Variants in PHYHIPL observed in about 807,000 individuals in gnomAD.
PHYHIPL encodes phytanoyl-CoA 2-hydroxylase interacting protein like.
Under a neutral mutation model 33.4 loss-of-function variants are expected in PHYHIPL, and 9 were observed. The ratio of observed to expected loss-of-function variants is 0.27; its 90% CI spans 0.16 to 0.47. The LOEUF (loss-of-function observed/expected upper bound fraction) is 0.47, where lower values mean the gene tolerates loss of function less well. Ranked by LOEUF, PHYHIPL falls within the 20% of genes least tolerant of loss-of-function variation. PHYHIPL has a pLI of 0.99. For synonymous variants in PHYHIPL, 153 were observed against 154.1 expected (o/e 0.99, Z 0.05); for missense variants, 365 against 460.7 (o/e 0.79, Z 1.90).
At chr10:59,175,804 C>T (rs1351234950), upstream of PHYHIPL, among the ~76,000 whole-genome samples, 3 of 152,244 alleles carry the variant, frequency 2.0e-5, no homozygotes, top group African/African-American at 7.2e-5. Context: ...GCTGTTTATA[C>T]TCCCTTCATT....
chr10:59,203,797 T>C (rs1839202031), intron 1 of PHYHIPL, among the ~76,000 whole-genome samples: 3 of 150,994 alleles, frequency 2.0e-5, no homozygotes, highest in South Asian at 4.2e-4. Flanking sequence ...GGGATAGCAT[T>C]GGGAGAAATA....
chr10:59,181,813 A>G (rs1838418997), intron 1 of PHYHIPL, among the ~76,000 whole-genome samples: 1 of 146,178 alleles, frequency 6.8e-6, no homozygotes, highest in Non-Finnish European at 1.5e-5. Flanking sequence ...CCCAGGGAAG[A>G]CCAGGAAGTT....
chr10:59,224,798 C>A (rs1288675736), intron 1 of PHYHIPL, among the ~76,000 whole-genome samples: 3 of 151,962 alleles, frequency 2.0e-5, no homozygotes, highest in Non-Finnish European at 2.9e-5. Context: ...CAAAACAATT[C>A]TCTTATTTTT....
intron 1 of PHYHIPL, among the ~76,000 whole-genome samples, chr10:59,207,906 AG>A (rs1839331959): frequency 6.6e-6 from 1 of 150,862 alleles, no homozygotes; most frequent in Non-Finnish European, 1.5e-5. Context: ...AAAAAAAAAA[AG>A]GGCAGCAGCC....
At chr10:59,236,887 C>T (rs1840242627) in intron 3 of PHYHIPL, among the ~76,000 whole-genome samples, 1 of 151,594 alleles carries the variant, frequency 6.6e-6, no homozygotes, top group Admixed American at 6.6e-5. Context: ...TTTCTATATC[C>T]ATAGTTTGAT....
intron 1 of PHYHIPL, among the ~76,000 whole-genome samples, chr10:59,216,900 A>G (rs1839630494): frequency 6.6e-6 from 1 of 152,164 alleles, no homozygotes; most frequent in African/African-American, 2.4e-5. Flanking sequence ...CTATAGTCTC[A>G]TTGATTCATC....
intron 1 of PHYHIPL, among the ~76,000 whole-genome samples, chr10:59,214,373 A>G (rs1396465518): frequency 6.6e-6 from 1 of 152,128 alleles, no homozygotes; most frequent in Non-Finnish European, 1.5e-5. Context: ...TGGTGACATC[A>G]TCACACAAAA....
At chr10:59,223,262 A>G (rs1475328755) in intron 1 of PHYHIPL, among the ~76,000 whole-genome samples, 2 of 152,166 alleles carry the variant, frequency 1.3e-5, no homozygotes, top group Admixed American at 6.5e-5. Context: ...ATGGGGTTCT[A>G]TTACTTTGCT....
rs1401855650 is a variant in PHYHIPL at position 59,245,406 on chromosome 10, G to GGGTCA, written c.946_947insGGTCA (p.Glu316GlyfsTer17). On this transcript the variant is annotated frameshift_variant, in exon 5 of 5. Transcript: ENST00000373880. LOFTEE classifies it high-confidence loss of function. ...TAATAAATTTTTGACCTGTACAGAA[G>GGGTCA]AAGATGGGGTGCTGGTTTACCACCA... The GGGTCA allele has an allele frequency of 1.2e-6, 2 of 1,614,032 alleles. No individual in the cohort carries two copies. Among genetic ancestry groups the GGGTCA allele is most frequent in the African/African-American group, 2.7e-5 (2 of 74,918 alleles).
chr10:59,176,130 A>C (rs1008508073), upstream of PHYHIPL, among the ~76,000 whole-genome samples: 3 of 152,174 alleles, frequency 2.0e-5, no homozygotes, highest in Non-Finnish European at 4.4e-5. Flanking sequence ...TGTCCGGCCG[A>C]GCCCGCAGGG....
At position 59,245,638 on chromosome 10, in the gene PHYHIPL, G is replaced by A. The variant is rs1436633649; in HGVS notation, c.*47G>A. 2.0e-6 allele frequency: 3 copies of A among 1,519,184 alleles called. No homozygotes were observed. In the South Asian group the frequency reaches 4.0e-5, roughly 20 times the overall value. 94.1% of individuals were successfully genotyped at this position (1,519,184 alleles called of 1,614,324 possible). A position where few individuals can be genotyped will look rare whatever the true frequency, so the allele number is the denominator to read the frequency against. ...CTCAGCCCCTTTTCCTCCCTTAGGAGCATTGGTCCTCTGTTGTCCATTTTT... is the reference window on the plus strand; with the variant it reads ...CTCAGCCCCTTTTCCTCCCTTAGGAACATTGGTCCTCTGTTGTCCATTTTT... On this transcript the variant is annotated 3_prime_UTR_variant, in exon 5 of 5. Coordinates refer to ENST00000373880, the MANE Select transcript of PHYHIPL (RefSeq NM_032439.4).
intron 1 of PHYHIPL, among the ~76,000 whole-genome samples, chr10:59,193,287 C>A (rs1211732159): frequency 6.6e-6 from 1 of 152,110 alleles, no homozygotes; most frequent in African/African-American, 2.4e-5. Flanking sequence ...ATAGATTTCT[C>A]CCCCTTATTT....
chr10:59,239,335 C>T (rs1213408696), intron 4 of PHYHIPL, among the ~76,000 whole-genome samples: 3 of 151,936 alleles, frequency 2.0e-5, no homozygotes, highest in African/African-American at 7.3e-5. Flanking sequence ...AAAAAGAGAG[C>T]TTGTGCACGG....
Position 59,246,438 on chromosome 10 carries a change from C to T in PHYHIPL, c.*847C>T, listed in dbSNP as rs1173588508. 1 of 369,062 alleles carries T rather than the reference C, an allele frequency of 2.7e-6. No individual in the cohort carries two copies. The highest frequency in any genetic ancestry group is 2.1e-5 in the African/African-American group (1 of 48,004). 22.9% of individuals were successfully genotyped at this position (369,062 alleles called of 1,614,324 possible). On this transcript the variant is annotated 3_prime_UTR_variant, in exon 5 of 5. Transcript: ENST00000373880. Reference sequence around the variant, plus strand: ...TGAAATAGTCAATAGTCTTCCCATCCAAACTATAAGAGAATGTGAATTTCT... The same window carrying T: ...TGAAATAGTCAATAGTCTTCCCATCTAAACTATAAGAGAATGTGAATTTCT...
chr10:59,242,692 G>A (rs1288987222), intron 4 of PHYHIPL, among the ~76,000 whole-genome samples: 1 of 152,036 alleles, frequency 6.6e-6, no homozygotes, highest in Non-Finnish European at 1.5e-5. Context: ...AACGGAAGCA[G>A]CAAAGAAATA....
chr10:59,189,033 T>C (rs1463096156), intron 1 of PHYHIPL, among the ~76,000 whole-genome samples: 2 of 152,218 alleles, frequency 1.3e-5, no homozygotes, highest in Middle Eastern at 3.4e-3. Context: ...TCAAATGTAG[T>C]GTGAACTTTG....
rs991157029 is a variant in PHYHIPL at position 59,177,176 on chromosome 10, C to G, written c.106+217C>G. ...CTCGCGCCTTGGCGCGGAAAGTAGC[C>G]GTCCACAACCGTGGCGCCCTTCGCC... On this transcript the variant is annotated intron_variant, in intron 1 of 4. Transcript: ENST00000373880. 55 of 592,044 alleles carry G rather than the reference C, an allele frequency of 9.3e-5. No homozygotes were observed. In the Middle Eastern group the frequency reaches 1.3e-3, roughly 14 times the overall value. 36.7% of individuals were successfully genotyped at this position (592,044 alleles called of 1,614,324 possible). A position where few individuals can be genotyped will look rare whatever the true frequency, so the allele number is the denominator to read the frequency against.
intron 1 of PHYHIPL, among the ~76,000 whole-genome samples, chr10:59,199,111 T>C (rs1373152901): frequency 2.4e-4 from 36 of 152,190 alleles, no homozygotes; most frequent in Non-Finnish European, 1.6e-4. Flanking sequence ...TTTTGGTGTT[T>C]TAGACATGAA....
chr10:59,173,818 C>T (rs1001655938), upstream of PHYHIPL, among the ~76,000 whole-genome samples: 23 of 149,288 alleles, frequency 1.5e-4, no homozygotes, highest in Admixed American at 3.3e-4. Context: ...CTATAACCCA[C>T]GTTGGGGAAC....
Sources: allele counts gnomAD v4.1 joint callset (sites outside exome capture counted in the v4.1 genomes callset), GRCh38; gene constraint gnomAD v4.1.1; transcripts MANE v1.5; gene names NCBI Gene and HGNC (gene_info 2026-07-23, HGNC 2026-07-21).